The following NLGN1 variants were observed in gnomAD, a reference collection of about 807,000 sequenced individuals.
NLGN1 encodes neuroligin 1.
A neutral mutation model predicts 65.5 loss-of-function variants in NLGN1; 12 were observed. The ratio of observed to expected loss-of-function variants is 0.18; its 90% CI spans 0.12 to 0.30. The LOEUF (loss-of-function observed/expected upper bound fraction) is 0.30. NLGN1 is among the 10% of genes least tolerant of loss of function. NLGN1 has a pLI of 1.00. For missense variants in NLGN1, 750 were observed against 1,007.1 expected, an observed-to-expected ratio of 0.74 and a Z score of 3.46; for synonymous variants, 350 against 359.5, an observed-to-expected ratio of 0.97 and a Z score of 0.30.
intron 4 of NLGN1, among the ~76,000 whole-genome samples, chr3:174,025,484 A>G (rs1238971401): frequency 2.6e-5 from 4 of 152,212 alleles, no homozygotes; most frequent in Non-Finnish European, 5.9e-5. Flanking sequence ...TATACAGAAT[A>G]TACAAAGAAT....
At chr3:174,025,472 A>C (rs1038911973) in intron 4 of NLGN1, among the ~76,000 whole-genome samples, 2 of 152,222 alleles carry the variant, frequency 1.3e-5, no homozygotes. Context: ...TAAAGGAAAT[A>C]TTATACAGAA....
intron 2 of NLGN1, among the ~76,000 whole-genome samples, chr3:173,452,528 TG>T (rs1169929667): frequency 6.6e-6 from 1 of 152,190 alleles, no homozygotes; most frequent in Admixed American, 6.5e-5. Context: ...CTTATTGCTA[TG>T]TTGACATGTA....
intron 3 of NLGN1, among the ~76,000 whole-genome samples, chr3:173,756,714 A>G (rs1228966036): frequency 6.6e-6 from 1 of 151,738 alleles, no homozygotes; most frequent in Non-Finnish European, 1.5e-5. Context: ...TGATTCAGGG[A>G]CATTTATTTT....
intron 4 of NLGN1, among the ~76,000 whole-genome samples, chr3:173,996,256 T>C (rs1474707130): frequency 6.6e-6 from 1 of 152,180 alleles, no homozygotes; most frequent in Admixed American, 6.5e-5. Context: ...ATTACGTCTA[T>C]TTTAAGATCC....
intron 2 of NLGN1, among the ~76,000 whole-genome samples, chr3:173,559,563 G>A (rs1742309881): frequency 6.6e-6 from 1 of 152,214 alleles, no homozygotes; most frequent in South Asian, 2.1e-4. Flanking sequence ...ATTTGTCTAG[G>A]ATTTTTTTAT....
At chr3:173,608,866 T>G (rs1303422076) in intron 3 of NLGN1, among the ~76,000 whole-genome samples, 1 of 151,938 alleles carries the variant, frequency 6.6e-6, no homozygotes, top group Non-Finnish European at 1.5e-5. Context: ...AAGCTAATGT[T>G]AGCAGCCAAT....
chr3:173,595,928 C>T (rs1216697379), intron 2 of NLGN1, among the ~76,000 whole-genome samples: 2 of 152,174 alleles, frequency 1.3e-5, no homozygotes, highest in East Asian at 3.9e-4. Context: ...TGGGTCTGTC[C>T]CACAACACGT....
At chr3:174,293,926 A>T in the NLGN1 span, among the ~76,000 whole-genome samples, 2 of 151,738 alleles carry the variant, frequency 1.3e-5, no homozygotes, top group Admixed American at 1.3e-4. Context: ...AAAAAGAGAA[A>T]GTACTACAAG....
intron 2 of NLGN1, among the ~76,000 whole-genome samples, chr3:173,601,559 A>G (rs1319907755): frequency 1.3e-5 from 2 of 152,010 alleles, no homozygotes; most frequent in Non-Finnish European, 2.9e-5. Context: ...AGATTTATAT[A>G]TGTTGATATT....
chr3:173,689,640 A>G (rs908554286), intron 3 of NLGN1, among the ~76,000 whole-genome samples: 2 of 152,278 alleles, frequency 1.3e-5, no homozygotes, highest in African/African-American at 2.4e-5. Flanking sequence ...CAAGGCTCCC[A>G]TGCGCTGCAA....
At chr3:174,183,258 T>C (rs1048459880) in intron 4 of NLGN1, among the ~76,000 whole-genome samples, 3 of 152,270 alleles carry the variant, frequency 2.0e-5, no homozygotes, top group South Asian at 4.1e-4. Flanking sequence ...GGCAGAGTTA[T>C]GTATTTCAAC....
chr3:173,491,578 A>G lies in NLGN1; in HGVS notation c.-321+56500A>G, dbSNP rs1454049928. ...TCACTTTTTTTGTTGTGTATCTGCC[A>G]GGCTTTGGTGTTAAGATGATGCTGG... On this transcript the variant is annotated intron_variant, in intron 2 of 6. Coordinates refer to ENST00000457714, the Ensembl canonical transcript of NLGN1. Among the ~76,000 whole-genome samples, 2 of 151,728 alleles carry G rather than the reference A, an allele frequency of 1.3e-5. 1 individual carries two copies. Among genetic ancestry groups the G allele is most frequent in the African/African-American group, 4.9e-5 (2 of 41,084 alleles).
chr3:174,065,093 TTTA>T (rs1384421110), intron 4 of NLGN1, among the ~76,000 whole-genome samples: 2 of 152,004 alleles, frequency 1.3e-5, no homozygotes, highest in African/African-American at 4.8e-5. Context: ...AGATACACTT[TTTA>T]TTTTCTTATT....
intron 3 of NLGN1, among the ~76,000 whole-genome samples, chr3:173,725,212 C>G (rs553538510): frequency 6.6e-6 from 1 of 151,936 alleles, no homozygotes. Context: ...TTTATATCAC[C>G]ATATCACTAG....
At chr3:173,778,952 T>C (rs1340438027) in intron 3 of NLGN1, among the ~76,000 whole-genome samples, 3 of 151,520 alleles carry the variant, frequency 2.0e-5, no homozygotes, top group Non-Finnish European at 4.4e-5. Context: ...TTCAATTTAA[T>C]TGAGATATCT....
At chr3:173,512,228 G>A (rs1196562470) in intron 2 of NLGN1, among the ~76,000 whole-genome samples, 3 of 152,240 alleles carry the variant, frequency 2.0e-5, no homozygotes, top group Non-Finnish European at 4.4e-5. Flanking sequence ...CAAGGGCAAA[G>A]TGTCAGTGTG....
At chr3:173,773,976 C>T (rs184518346) in intron 3 of NLGN1, among the ~76,000 whole-genome samples, 196 of 152,092 alleles carry the variant, frequency 1.3e-3, no homozygotes, top group African/African-American at 4.4e-3. Flanking sequence ...GTAGCACACC[C>T]GAAGTCATAA....
At chr3:173,619,020 G>A (rs571276405) in intron 3 of NLGN1, among the ~76,000 whole-genome samples, 35 of 152,256 alleles carry the variant, frequency 2.3e-4, no homozygotes, top group East Asian at 1.4e-3. Context: ...TTTTTTCACC[G>A]TCTTGAAATT....
chr3:174,198,108 T>A (rs1733805236), intron 4 of NLGN1, among the ~76,000 whole-genome samples: 2 of 152,208 alleles, frequency 1.3e-5, no homozygotes, highest in Non-Finnish European at 2.9e-5. Context: ...ATGAAATCGA[T>A]AATCATCTAT....
Sources: gnomAD v4.1 joint callset for allele counts (sites outside exome capture counted in the v4.1 genomes callset) on GRCh38, gnomAD v4.1.1 for gene constraint, MANE v1.5 for transcripts, NCBI Gene and HGNC (gene_info 2026-07-23, HGNC 2026-07-21) for gene names.